FNIP1: variants seen among roughly 807,000 people sequenced by gnomAD.
FNIP1 encodes the protein folliculin interacting protein 1, also known as folliculin-interacting protein 1.
In FNIP1, 40 loss-of-function variants were observed where a neutral mutation model predicts 124.5. That is an observed-to-expected ratio of 0.32 (90% confidence interval 0.25 to 0.42). The LOEUF is 0.42. Ranked by LOEUF, FNIP1 falls within the 10% of genes least tolerant of loss-of-function variation. FNIP1 has a pLI of 1.00. For synonymous variants in FNIP1, 472 were observed against 470.6 expected (o/e 1.00, Z -0.04); for missense variants, 1,176 against 1,403.7 (o/e 0.84, Z 2.59).
At chr5:131,769,425 A>G (rs1771552172) in intron 1 of FNIP1, among the ~76,000 whole-genome samples, 1 of 152,226 alleles carries the variant, frequency 6.6e-6, no homozygotes, top group Non-Finnish European at 1.5e-5. Flanking sequence ...CTTGAATATC[A>G]CATTAAGTTA....
chr5:131,690,167 G>A (rs1768428606), intron 11 of FNIP1, among the ~76,000 whole-genome samples: 2 of 152,054 alleles, frequency 1.3e-5, no homozygotes, highest in South Asian at 2.1e-4. Flanking sequence ...AGCTTGCAGT[G>A]AGCCAAGATC....
At chr5:131,729,991 T>A (rs1770023993) in intron 3 of FNIP1, among the ~76,000 whole-genome samples, 1 of 151,788 alleles carries the variant, frequency 6.6e-6, no homozygotes, top group African/African-American at 2.4e-5. Context: ...TCCGCCCACC[T>A]CAGCCTCCCA....
At chr5:131,674,325 T>C (rs1767850212) in intron 13 of FNIP1, among the ~76,000 whole-genome samples, 1 of 152,226 alleles carries the variant, frequency 6.6e-6, no homozygotes, top group African/African-American at 2.4e-5. Context: ...AGCCATTATG[T>C]TAAAAGCAGG....
At chr5:131,665,881 G>A (rs898752537) in intron 15 of FNIP1, among the ~76,000 whole-genome samples, 48 of 149,912 alleles carry the variant, frequency 3.2e-4, no homozygotes, top group Non-Finnish European at 4.6e-4. Flanking sequence ...GAGCCACAGC[G>A]CTTGGCCTAA....
chr5:131,660,530 A>G (rs543131152), intron 15 of FNIP1, among the ~76,000 whole-genome samples: 16 of 152,082 alleles, frequency 1.1e-4, no homozygotes, highest in African/African-American at 3.9e-4. Flanking sequence ...TTCTGCCCCA[A>G]CAAATCAGCC....
intron 11 of FNIP1, among the ~76,000 whole-genome samples, chr5:131,688,015 C>T (rs953700653): frequency 1.3e-5 from 2 of 151,998 alleles, no homozygotes; most frequent in East Asian, 3.9e-4. Flanking sequence ...CAGCCTTCCT[C>T]GCTGGCCTCT....
At chr5:131,758,944 T>G (rs1333284679) in intron 1 of FNIP1, among the ~76,000 whole-genome samples, 2 of 152,114 alleles carry the variant, frequency 1.3e-5, no homozygotes, top group Non-Finnish European at 2.9e-5. Flanking sequence ...CCACAGTACA[T>G]AGGCAAATAC....
chr5:131,648,173 T>TAA (rs577945348), intron 16 of FNIP1, among the ~76,000 whole-genome samples: 1,645 of 113,286 alleles, frequency 0.015, 25 homozygotes, highest in African/African-American at 0.032. Flanking sequence ...CTACAAAAAT[T>TAA]AAAAAAAAAA....
chr5:131,718,870 A>G, intron 5 of FNIP1, 116 bp downstream of exon 5: 1 of 767,112 alleles, frequency 1.3e-6, no homozygotes, highest in Non-Finnish European at 2.1e-6. Flanking sequence ...GAACTTTTAA[A>G]CTTAAGGAAA....
chr5:131,773,428 T>C (rs1771706389), intron 1 of FNIP1, among the ~76,000 whole-genome samples: 2 of 152,204 alleles, frequency 1.3e-5, no homozygotes, highest in South Asian at 4.1e-4. Flanking sequence ...TTGGTGTGCC[T>C]GTCAACTTGG....
At chr5:131,644,933 C>A (rs917805238) in intron 17 of FNIP1, among the ~76,000 whole-genome samples, 170 bp from the exon 18 acceptor site, 1 of 152,134 alleles carries the variant, frequency 6.6e-6, no homozygotes, top group Non-Finnish European at 1.5e-5. Flanking sequence ...ACTACAGATA[C>A]GAGTAACAAC....
rs1772549128 is a variant in FNIP1, at chr5:131,795,379, G to GT, written c.92+1450dup. ...ATTTTTGAAAACCAGACGTGAAAAT[G>GT]TTTTTTCATATGAGTGACTTGAGAG... is the stretch of plus-strand genomic sequence containing the variant. On this transcript the variant is annotated intron_variant, in intron 1 of 17. Transcript: ENST00000510461. 3.3e-5 allele frequency among the ~76,000 whole-genome samples: 5 copies of GT among 152,160 alleles called. No individual in the cohort carries two copies. The South Asian group carries it at 1.0e-3, about 31-fold the overall frequency.
intron 1 of FNIP1, among the ~76,000 whole-genome samples, chr5:131,772,958 C>T (rs1771689898): frequency 6.6e-6 from 1 of 152,180 alleles, no homozygotes; most frequent in South Asian, 2.1e-4. Context: ...ACAAAACTCT[C>T]CTTATAATCT....
intron 1 of FNIP1, among the ~76,000 whole-genome samples, chr5:131,785,109 AT>A (rs1322649099): frequency 6.6e-5 from 1 of 15,126 alleles, no homozygotes; most frequent in Non-Finnish European, 2.2e-4. Flanking sequence ...GACTATATAT[AT>A]ATCATATATA....
chr5:131,716,447 A>C, intron 6 of FNIP1, 118 bp downstream of exon 6: 1 of 586,276 alleles, frequency 1.7e-6, no homozygotes, highest in Non-Finnish European at 2.9e-6. Context: ...TCTTCCACTT[A>C]CAGTATTTGA....
intron 11 of FNIP1, among the ~76,000 whole-genome samples, chr5:131,683,636 G>A (rs565122514): frequency 5.3e-5 from 8 of 151,026 alleles, no homozygotes; most frequent in East Asian, 3.9e-4. Flanking sequence ...TTGTTATACC[G>A]CATTGGTTTT....
intron 3 of FNIP1, among the ~76,000 whole-genome samples, chr5:131,720,651 A>G (rs1769626811): frequency 6.6e-6 from 1 of 152,168 alleles, no homozygotes; most frequent in Non-Finnish European, 1.5e-5. Flanking sequence ...TGTACCAGAA[A>G]CCCCTACAAC....
chr5:131,684,697 A>G (rs1768211448), intron 11 of FNIP1, among the ~76,000 whole-genome samples: 1 of 152,218 alleles, frequency 6.6e-6, no homozygotes, highest in African/African-American at 2.4e-5. Context: ...TTTAAAATCT[A>G]AAAGCAAGAT....
intron 6 of FNIP1, among the ~76,000 whole-genome samples, chr5:131,713,352 C>T (rs948923602): frequency 4.6e-5 from 7 of 152,044 alleles, no homozygotes; most frequent in African/African-American, 1.4e-4. Context: ...GGCCTCGTAC[C>T]CCTTCTTAAA....
Sources: allele counts gnomAD v4.1 joint callset (sites outside exome capture counted in the v4.1 genomes callset), GRCh38; gene constraint gnomAD v4.1.1; transcripts MANE v1.5; gene names NCBI Gene and HGNC (gene_info 2026-07-23, HGNC 2026-07-21).